ETS1: variants seen among roughly 807,000 people sequenced by gnomAD.
The protein encoded by ETS1 is ETS proto-oncogene 1, transcription factor.
In ETS1, 15 loss-of-function variants were observed where a neutral mutation model predicts 58.6. The ratio of observed to expected loss-of-function variants is 0.26; its 90% CI spans 0.17 to 0.39. The LOEUF is 0.39. ETS1 is among the 10% of genes least tolerant of loss of function. ETS1 has a pLI of 1.00. For missense variants in ETS1, 417 were observed against 610.5 expected (o/e 0.68, Z 3.34); for synonymous variants, 214 against 218.2 (o/e 0.98, Z 0.17).
At chr11:128,517,863 A>T (rs1407392937) in intron 3 of ETS1, among the ~76,000 whole-genome samples, 1 of 152,218 alleles carries the variant, frequency 6.6e-6, no homozygotes, top group Non-Finnish European at 1.5e-5. Flanking sequence ...TTTAAGAGAA[A>T]AAAAAAGTTA....
At chr11:128,477,825 T>A (rs1204661123) in intron 8 of ETS1, among the ~76,000 whole-genome samples, 1 of 152,238 alleles carries the variant, frequency 6.6e-6, no homozygotes, top group Non-Finnish European at 1.5e-5. Flanking sequence ...TGAATTGTTA[T>A]AATTGAGGGT....
chr11:128,486,093 G>A lies in ETS1; in HGVS notation c.589C>T (p.Arg197Cys), dbSNP rs143416500. 46 of 1,610,516 alleles carry A rather than the reference G, an allele frequency of 2.9e-5. No individual in the cohort carries two copies. The Admixed American group carries it at 3.3e-4, about 12-fold the overall frequency. ...NGVNPAYPESRYTSDYFISYG... is the reference protein window; with the variant it reads ...NGVNPAYPESCYTSDYFISYG... The stretch of plus-strand genomic sequence containing the variant: ...CTAATGAAGTAATCCGAGGTATAGC[G>A]GGATTCTGGATAGGCTGGGTTGACT... The change falls in exon 6 of 10, where the codon CGC (arginine) becomes TGC (cysteine). Residue 197 changes from arginine to cysteine, a missense_variant. Arg to Cys is a radical substitution (Grantham distance 180). This residue lies in a region of ETS1 where 132 missense variants were observed against 212.1 expected (regional missense o/e 0.62). Coordinates refer to ENST00000392668, the MANE Select transcript of ETS1 (RefSeq NM_001143820.2).
At chr11:128,515,124 T>C (rs1863487694) in intron 3 of ETS1, among the ~76,000 whole-genome samples, 3 of 152,140 alleles carry the variant, frequency 2.0e-5, no homozygotes, top group Admixed American at 2.0e-4. Context: ...TTTTTGCCCC[T>C]TTTCAGCCCA....
chr11:128,547,280 A>G (rs1864147261), intron 3 of ETS1, among the ~76,000 whole-genome samples: 1 of 152,220 alleles, frequency 6.6e-6, no homozygotes, highest in South Asian at 2.1e-4. Context: ...TTGGAACAGT[A>G]GTTTTTAACC....
In ETS1 at chr11:128,458,952, G is replaced by A. The variant is rs1861836822; in HGVS notation, c.*3409C>T. ...TTAAAAAAACATCGACACTTACATC[G>A]CTACATCTCTAAGCTACCTCAGTTC... On this transcript the variant is annotated 3_prime_UTR_variant, in exon 10 of 10. Transcript: ENST00000392668. This position sits in a 1 kb window ranked among gnomAD's most constrained non-coding sequence, Gnocchi z 4.3. 6.6e-6 allele frequency: 1 copy of A among 151,540 alleles called. No homozygotes were observed. Among genetic ancestry groups the A allele is most frequent in the African/African-American group, 2.4e-5 (1 of 41,006 alleles). The allele number at this position is 151,540 out of a possible 1,614,324, so 9.4% of individuals were successfully genotyped here.
chr11:128,486,485 G>C (rs906342864), intron 5 of ETS1, among the ~76,000 whole-genome samples: 2 of 152,184 alleles, frequency 1.3e-5, no homozygotes, highest in Non-Finnish European at 2.9e-5. Flanking sequence ...TATAGCCAAA[G>C]GCTTGAGTAC....
At chr11:128,565,150 C>A (rs1023293460) in intron 2 of ETS1, among the ~76,000 whole-genome samples, 6 of 152,092 alleles carry the variant, frequency 3.9e-5, no homozygotes, top group African/African-American at 1.4e-4. Context: ...TATTAACAGG[C>A]GGAGGCATTA....
intron 3 of ETS1, among the ~76,000 whole-genome samples, chr11:128,504,381 C>T (rs76727360): frequency 0.014 from 2,108 of 152,246 alleles, 57 homozygotes; most frequent in African/African-American, 0.047. Flanking sequence ...AAAGCCTTAT[C>T]CAGGACCAAA....
intron 1 of ETS1, among the ~76,000 whole-genome samples, chr11:128,586,444 A>G (rs1428181412): frequency 6.6e-6 from 1 of 152,208 alleles, no homozygotes; most frequent in East Asian, 1.9e-4. Context: ...TTGGATAAAA[A>G]TAGGCCACCA....
intron 8 of ETS1, among the ~76,000 whole-genome samples, chr11:128,469,019 G>A (rs1400557444): frequency 6.6e-6 from 1 of 152,186 alleles, no homozygotes; most frequent in East Asian, 1.9e-4. Flanking sequence ...CTCCTCTGAA[G>A]AAAGGCATAT....
intron 2 of ETS1, among the ~76,000 whole-genome samples, chr11:128,559,209 T>G (rs1254579795): frequency 6.6e-6 from 1 of 152,196 alleles, no homozygotes; most frequent in African/African-American, 2.4e-5. Context: ...TTTTGTCTGC[T>G]AAAGAAAAGC....
At chr11:128,533,816 T>C (rs1863934835) in intron 3 of ETS1, among the ~76,000 whole-genome samples, 1 of 152,242 alleles carries the variant, frequency 6.6e-6, no homozygotes, top group African/African-American at 2.4e-5. Context: ...ATATTCTACT[T>C]AAATTTGAAT....
chr11:128,576,366 C>G (rs1864748873), intron 1 of ETS1, among the ~76,000 whole-genome samples: 1 of 151,992 alleles, frequency 6.6e-6, no homozygotes, highest in Admixed American at 6.6e-5. Context: ...TTTTTCTTTT[C>G]TTTTTTGGCT....
rs562950554 is a variant in ETS1, at chr11:128,576,010, A to G, written c.-14-2866T>C. The stretch of plus-strand genomic sequence containing the variant: ...CAGTGGAAATATGTTTTCTCTTCTC[A>G]TTGACAGAGTGAGAGAAGAAAGCTC... On this transcript the variant is annotated intron_variant, in intron 1 of 9. Transcript: ENST00000392668. 7.2e-5 allele frequency among the ~76,000 whole-genome samples: 11 copies of G among 152,322 alleles called. No homozygotes were observed. In the South Asian group the frequency reaches 2.3e-3, roughly 32 times the overall value.
intron 7 of ETS1, among the ~76,000 whole-genome samples, chr11:128,481,840 TC>T (rs2135444428): frequency 1.3e-5 from 2 of 152,330 alleles, no homozygotes; most frequent in East Asian, 3.9e-4. Flanking sequence ...TGTTTAAAGA[TC>T]CGGATAAAAT....
rs549806472 is a variant in ETS1 at position 128,570,043 on chromosome 11, G to C, written c.69+3019C>G. On this transcript the variant is annotated intron_variant, in intron 2 of 9. Coordinates refer to ENST00000392668, the MANE Select transcript of ETS1 (RefSeq NM_001143820.2). ...CCAGGGTGTTCAATTGCAGGGAGGTGTCTTTAGTTGAAATTATGCACTTAG... is the reference window on the plus strand; with the variant it reads ...CCAGGGTGTTCAATTGCAGGGAGGTCTCTTTAGTTGAAATTATGCACTTAG... 3.9e-5 allele frequency among the ~76,000 whole-genome samples: 6 copies of C among 152,268 alleles called. No individual in the cohort carries two copies. In the East Asian group the frequency reaches 1.2e-3, roughly 29 times the overall value.
chr11:128,505,546 A>G (rs888857290), intron 3 of ETS1, among the ~76,000 whole-genome samples: 3 of 151,978 alleles, frequency 2.0e-5, no homozygotes, highest in Non-Finnish European at 4.4e-5. Context: ...TCAGCATTCT[A>G]TTGTTCCTGC....
intron 3 of ETS1, among the ~76,000 whole-genome samples, chr11:128,498,141 G>T (rs1862992515): frequency 6.6e-6 from 1 of 152,198 alleles, no homozygotes; most frequent in Non-Finnish European, 1.5e-5. Flanking sequence ...ACCATGCTGT[G>T]AGGATTAAGT....
chr11:128,551,122 A>G (rs915012628), intron 3 of ETS1, among the ~76,000 whole-genome samples: 4 of 152,240 alleles, frequency 2.6e-5, no homozygotes, highest in African/African-American at 9.6e-5. Context: ...ACCCTGAATG[A>G]GGAAAGAAGA....
Sources: gnomAD v4.1 joint callset for allele counts (sites outside exome capture counted in the v4.1 genomes callset) on GRCh38, gnomAD v4.1.1 for gene constraint, gnomAD v4.1.1 regional missense constraint, Gnocchi (gnomAD v3.1) non-coding constraint, MANE v1.5 for transcripts, NCBI Gene and HGNC (gene_info 2026-07-23, HGNC 2026-07-21) for gene names.